KLHL29: variants seen among roughly 807,000 people sequenced by gnomAD.
The protein encoded by KLHL29 is kelch-like protein 29.
In KLHL29, 21 loss-of-function variants were observed where a neutral mutation model predicts 80.4. That is an observed-to-expected ratio of 0.26 (90% confidence interval 0.19 to 0.38). The LOEUF (loss-of-function observed/expected upper bound fraction) is 0.38, where lower values mean the gene tolerates loss of function less well. KLHL29 is among the 10% of genes least tolerant of loss of function. The probability of loss-of-function intolerance (pLI) is 1.00; values close to 1 mark genes in which losing one functional copy is unlikely to be tolerated. For synonymous variants in KLHL29, 511 were observed against 526.8 expected (o/e 0.97, Z 0.41); for missense variants, 867 against 1,223.9 (o/e 0.71, Z 4.35).
At chr2:23,597,778 T>C (rs568992944) in intron 3 of KLHL29, among the ~76,000 whole-genome samples, 1 of 152,278 alleles carries the variant, frequency 6.6e-6, no homozygotes, top group South Asian at 2.1e-4. Context: ...AGCCCTGACA[T>C]GCTCTCAGTC....
chr2:23,682,205 A>C lies in KLHL29; in HGVS notation c.941-2194A>C, dbSNP rs539068999. Reference sequence around the variant, plus strand: ...GTTGCTGTGTAATTCCGGCCTTCTCACCTCTCCCTCGGAAAGACCGTCACC... The same window carrying C: ...GTTGCTGTGTAATTCCGGCCTTCTCCCCTCTCCCTCGGAAAGACCGTCACC... On this transcript the variant is annotated intron_variant, in intron 5 of 13. Coordinates refer to ENST00000486442, the MANE Select transcript of KLHL29 (RefSeq NM_052920.2). This position sits in a 1 kb window ranked among gnomAD's most constrained non-coding sequence, Gnocchi z 4.1. Among the ~76,000 whole-genome samples the C allele has an allele frequency of 2.0e-5, 3 of 151,490 alleles. No individual in the cohort carries two copies. The highest frequency in any genetic ancestry group is 4.2e-4 in the South Asian group (2 of 4,760).
At chr2:23,528,861 C>T (rs1424099282) in intron 2 of KLHL29, among the ~76,000 whole-genome samples, 1 of 152,236 alleles carries the variant, frequency 6.6e-6, no homozygotes, top group Non-Finnish European at 1.5e-5. Context: ...TGCGGCCACC[C>T]TGGCGGTGCT....
intron 3 of KLHL29, among the ~76,000 whole-genome samples, chr2:23,637,533 A>T (rs901954426): frequency 1.1e-4 from 16 of 152,186 alleles, no homozygotes; most frequent in African/African-American, 3.6e-4. Flanking sequence ...AAAGCAAAGC[A>T]TCTGAAATGC....
chr2:23,418,366 G>C (rs1238423278), intron 1 of KLHL29, among the ~76,000 whole-genome samples: 2 of 152,106 alleles, frequency 1.3e-5, no homozygotes, highest in Non-Finnish European at 2.9e-5. Flanking sequence ...CCCTAGCTGG[G>C]TCTGGGGGCA....
chr2:23,446,778 T>A (rs1663703741), intron 1 of KLHL29, among the ~76,000 whole-genome samples: 1 of 152,214 alleles, frequency 6.6e-6, no homozygotes, highest in Admixed American at 6.5e-5. Flanking sequence ...TTTTATCTTT[T>A]TAAATTATGT....
At position 23,488,234 on chromosome 2, in the gene KLHL29, G is replaced by A. The variant is rs576178800; in HGVS notation, c.-46+12567G>A. 3.9e-5 allele frequency among the ~76,000 whole-genome samples: 6 copies of A among 152,312 alleles called. No individual in the cohort carries two copies. The East Asian group carries it at 7.7e-4, about 20-fold the overall frequency. On this transcript the variant is annotated intron_variant, in intron 2 of 13. Coordinates refer to ENST00000486442, the MANE Select transcript of KLHL29 (RefSeq NM_052920.2). ...TTGGGGAAAGATTCCACCCCTGGGC[G>A]CCCCTGGCCTTTTGCTGACAATCTC...
chr2:23,505,138 C>A (rs773298477), intron 2 of KLHL29, among the ~76,000 whole-genome samples: 1 of 152,204 alleles, frequency 6.6e-6, no homozygotes, highest in Non-Finnish European at 1.5e-5. Context: ...TCTCTCCCTT[C>A]GAGGTTAAGT....
rs568872083 is a variant in KLHL29 at position 23,467,919 on chromosome 2, G to A, written c.-153-7641G>A. Among the ~76,000 whole-genome samples the A allele has an allele frequency of 4.6e-5, 7 of 151,694 alleles. No individual in the cohort carries two copies. The South Asian group carries it at 6.3e-4, about 14-fold the overall frequency. On this transcript the variant is annotated intron_variant, in intron 1 of 13. Coordinates refer to ENST00000486442, the MANE Select transcript of KLHL29 (RefSeq NM_052920.2). Reference sequence around the variant, plus strand: ...CCCTCTTCATTCATTTGTGCCCTCCGTGCCCACTTCTTTGGCGGGGTGGTG... The same window carrying A: ...CCCTCTTCATTCATTTGTGCCCTCCATGCCCACTTCTTTGGCGGGGTGGTG...
intron 1 of KLHL29, among the ~76,000 whole-genome samples, chr2:23,444,991 T>G (rs1307046890): frequency 1.3e-5 from 2 of 152,206 alleles, no homozygotes; most frequent in Non-Finnish European, 2.9e-5. Flanking sequence ...CATCCATAAG[T>G]TGTTGGAAAC....
At chr2:23,530,351 A>T (rs1427946951) in intron 2 of KLHL29, among the ~76,000 whole-genome samples, 1 of 152,206 alleles carries the variant, frequency 6.6e-6, no homozygotes, top group African/African-American at 2.4e-5. Context: ...GCCAAGGATC[A>T]GACCCCCTCT....
chr2:23,574,541 C>T (rs1414341948), intron 3 of KLHL29, among the ~76,000 whole-genome samples: 1 of 151,978 alleles, frequency 6.6e-6, no homozygotes, highest in African/African-American at 2.4e-5. Flanking sequence ...CAGTGGCTGG[C>T]GTGGAGGGAA....
chr2:23,574,515 G>A (rs1327395314), intron 3 of KLHL29, among the ~76,000 whole-genome samples: 1 of 152,178 alleles, frequency 6.6e-6, no homozygotes, highest in Non-Finnish European at 1.5e-5. Flanking sequence ...GAGACAAAAG[G>A]TAGGTTAGAG....
Position 23,703,269 on chromosome 2 carries a change from G to A in KLHL29, c.2189G>A (p.Gly730Asp). 1.9e-6 allele frequency: 3 copies of A among 1,548,296 alleles called. 1 individual carries two copies. The South Asian group carries it at 3.6e-5, about 19-fold the overall frequency. ...VHSAAATVCG[G>D]KIYVFGGVNE... ...TCTGCTGCAGCCACAGTGTGTGGCG[G>A]CAAGATCTACGTGTTTGGTGGGGTG... Residue 730 changes from glycine to aspartate, a missense_variant, in exon 12 of 14, where the codon GGC (glycine) becomes GAC (aspartate). Gly to Asp is a moderately conservative substitution (Grantham distance 94, BLOSUM62 -1). This residue lies in a region of KLHL29 where 443 missense variants were observed against 767.0 expected (regional missense o/e 0.58). Coordinates refer to ENST00000486442, the MANE Select transcript of KLHL29 (RefSeq NM_052920.2).
chr2:23,590,057 A>G (rs981281787), intron 3 of KLHL29, among the ~76,000 whole-genome samples: 1 of 152,258 alleles, frequency 6.6e-6, no homozygotes, highest in African/African-American at 2.4e-5. Flanking sequence ...TGGAAGGCCC[A>G]GTGTTCAGAC....
At chr2:23,446,486 T>C (rs1663685923) in intron 1 of KLHL29, among the ~76,000 whole-genome samples, 1 of 152,208 alleles carries the variant, frequency 6.6e-6, no homozygotes, top group Admixed American at 6.5e-5. Context: ...GCACTTAGCC[T>C]GCAGCGTGGA....
intron 3 of KLHL29, among the ~76,000 whole-genome samples, chr2:23,599,187 G>C (rs2103522061): frequency 6.6e-6 from 1 of 152,330 alleles, no homozygotes; most frequent in South Asian, 2.1e-4. Context: ...CAAGGACTCT[G>C]GGCTGAGCTC....
At chr2:23,502,919 T>C (rs72848085) in intron 2 of KLHL29, among the ~76,000 whole-genome samples, 1 of 152,242 alleles carries the variant, frequency 6.6e-6, no homozygotes, top group Admixed American at 6.5e-5. Context: ...GCTTGGTTAC[T>C]AAAATTCTAG....
intron 2 of KLHL29, among the ~76,000 whole-genome samples, chr2:23,493,796 A>G (rs1665177764): frequency 6.6e-6 from 1 of 152,210 alleles, no homozygotes; most frequent in South Asian, 2.1e-4. Context: ...TCTTTTAGTG[A>G]GAAAAATGGA....
chr2:23,423,688 A>G (rs770625501), intron 1 of KLHL29, among the ~76,000 whole-genome samples: 3 of 151,736 alleles, frequency 2.0e-5, no homozygotes, highest in Non-Finnish European at 4.4e-5. Flanking sequence ...TCCATTCTCC[A>G]TGGGCTCAGG....
Sources: gnomAD v4.1 joint callset for allele counts (sites outside exome capture counted in the v4.1 genomes callset) on GRCh38, gnomAD v4.1.1 for gene constraint, gnomAD v4.1.1 regional missense constraint, Gnocchi (gnomAD v3.1) non-coding constraint, MANE v1.5 for transcripts, NCBI Gene and HGNC (gene_info 2026-07-23, HGNC 2026-07-21) for gene names.